The following RTF2 variants were observed in gnomAD, a reference collection of about 807,000 sequenced individuals.
RTF2 encodes UPF0549 protein C20orf43.
RTF2 carries 18 observed loss-of-function variants against 38.0 expected under a neutral mutation model. That is an observed-to-expected ratio of 0.47 (90% CI 0.33 to 0.70). The LOEUF is 0.70. Ranked by LOEUF, RTF2 falls within the 30% of genes least tolerant of loss-of-function variation. RTF2 has a pLI of 0.02. For missense variants in RTF2, 311 were observed against 379.6 expected (o/e 0.82, Z 1.50); for synonymous variants, 126 against 137.1 (o/e 0.92, Z 0.57).
At chr20:56,479,235 T>C (rs1982407288) in intron 4 of RTF2, among the ~76,000 whole-genome samples, 1 of 152,222 alleles carries the variant, frequency 6.6e-6, no homozygotes, top group East Asian at 1.9e-4. Flanking sequence ...TTTGTTTTTT[T>C]GTTTTTTTGA....
intron 1 of RTF2, 38 bp downstream of exon 1, chr20:56,468,804 G>A: frequency 6.5e-7 from 1 of 1,531,600 alleles, no homozygotes; most frequent in Non-Finnish European, 8.8e-7. Context: ...ACCGGGGGTG[G>A]TGGGAATTTG....
chr20:56,492,133 C>G (rs1435000498), intron 5 of RTF2, among the ~76,000 whole-genome samples: 1 of 152,042 alleles, frequency 6.6e-6, no homozygotes. Flanking sequence ...CCATGAACTT[C>G]TAAGTCTTTT....
At chr20:56,474,652 T>C (rs1237545650) in intron 2 of RTF2, 26 bp from the exon 3 acceptor site, 1 of 1,459,132 alleles carries the variant, frequency 6.9e-7, no homozygotes, top group Non-Finnish European at 9.4e-7. Flanking sequence ...CTTGTTGACA[T>C]AATATTCTAA....
At chr20:56,486,110 G>A (rs1982781912) in intron 5 of RTF2, among the ~76,000 whole-genome samples, 1 of 152,126 alleles carries the variant, frequency 6.6e-6, no homozygotes, top group Non-Finnish European at 1.5e-5. Context: ...GTAAGGCGTT[G>A]TCTGGCAGGA....
At chr20:56,470,953 C>G (rs1981927435) in intron 1 of RTF2, 1 of 241,876 alleles carries the variant, frequency 4.1e-6, no homozygotes, top group East Asian at 8.4e-5. Flanking sequence ...TAACTAAACT[C>G]TTTCCCCATA....
At chr20:56,512,255 G>T (rs536374026) in intron 5 of RTF2, among the ~76,000 whole-genome samples, 1 of 152,148 alleles carries the variant, frequency 6.6e-6, no homozygotes, top group Non-Finnish European at 1.5e-5. Flanking sequence ...CAAAATGCAG[G>T]ACTGGGAACC....
In RTF2 at chr20:56,518,353, T is replaced by TGTTC; in HGVS notation, c.*89_*92dup. 7.6e-7 allele frequency: 1 copy of TGTTC among 1,307,624 alleles called. No individual in the cohort carries two copies. Among genetic ancestry groups the TGTTC allele is most frequent in the Non-Finnish European group, 1.1e-6 (1 of 937,420 alleles). The allele number at this position is 1,307,624 out of a possible 1,614,324, so 81.0% of individuals were successfully genotyped here. A position where few individuals can be genotyped will look rare whatever the true frequency, so the allele number is the denominator to read the frequency against. On this transcript the variant is annotated 3_prime_UTR_variant, in exon 9 of 9. Transcript: ENST00000357348. The stretch of plus-strand genomic sequence containing the variant: ...TTGTGCCTCTGAGTGCGCTGCTGTG[T>TGTTC]GTTCTCTCTATAGTTCTGTGTCATA...
chr20:56,496,766 G>A (rs765528981), intron 5 of RTF2: 1 of 1,552,174 alleles, frequency 6.4e-7, no homozygotes, highest in South Asian at 1.2e-5. Context: ...TAAGTACATA[G>A]TAAGCACTTC....
chr20:56,507,146 T>G (rs373948691), intron 5 of RTF2, among the ~76,000 whole-genome samples: 100 of 152,232 alleles, frequency 6.6e-4, no homozygotes, highest in African/African-American at 2.2e-3. Context: ...CAGGAAGATA[T>G]GGGTGATTTT....
In RTF2 at chr20:56,516,986, GA is replaced by G. The variant is rs777631410; in HGVS notation, c.645del (p.Glu216LysfsTer34). The G allele has an allele frequency of 3.7e-6, 6 of 1,613,828 alleles. No homozygotes were observed. The highest frequency in any genetic ancestry group is 5.1e-6 in the Non-Finnish European group (6 of 1,179,772). ...GTCTGTTTCAAAACCAGATGTCAGTGAAGGTAAGATCCTTCAAGAGATCCTT... is the reference window on the plus strand; with the variant it reads ...GTCTGTTTCAAAACCAGATGTCAGTGAGGTAAGATCCTTCAAGAGATCCTT... ...AESVSKPDVS[E>X]EAPGPSKVKT... On this transcript the variant is annotated frameshift_variant and splice_region_variant, in exon 7 of 9. Transcript: ENST00000357348. LOFTEE classifies it high-confidence loss of function.
chr20:56,517,090 T>C lies in RTF2; in HGVS notation c.647-16T>C, dbSNP rs371426502. ...TTTGCATTGTTTTTGCTTTGCCTACTTTGTTTCTTTTACAGAAGCCCCAGG... is the reference window on the plus strand; with the variant it reads ...TTTGCATTGTTTTTGCTTTGCCTACCTTGTTTCTTTTACAGAAGCCCCAGG... On this transcript the variant is annotated splice_polypyrimidine_tract_variant and intron_variant, in intron 7 of 8. Coordinates refer to ENST00000357348, the MANE Select transcript of RTF2 (RefSeq NM_016407.5). 1.9e-6 allele frequency: 3 copies of C among 1,613,738 alleles called. No homozygotes were observed. The highest frequency in any genetic ancestry group is 2.5e-6 in the Non-Finnish European group (3 of 1,179,770).
At chr20:56,490,766 G>C (rs947319003) in intron 5 of RTF2, among the ~76,000 whole-genome samples, 2 of 152,232 alleles carry the variant, frequency 1.3e-5, no homozygotes, top group African/African-American at 4.8e-5. Context: ...GCGGTGAGCC[G>C]AGATCGTGCC....
At chr20:56,491,747 C>T (rs999972975) in intron 5 of RTF2, 2 of 1,552,042 alleles carry the variant, frequency 1.3e-6, no homozygotes, top group African/African-American at 1.4e-5. Context: ...CGGCAGGTCT[C>T]CTGGTCCGTA....
chr20:56,517,188 T>A lies in RTF2; in HGVS notation c.729T>A (p.Ala243=). 1 of 1,613,864 alleles carries A rather than the reference T, an allele frequency of 6.2e-7. No individual in the cohort carries two copies. The highest frequency in any genetic ancestry group is 1.3e-5 in the African/African-American group (1 of 75,000). ...CTAGAGAGAAGAAAACCAACTTGGC[T>A]CCCAAAAGCACAGGTGGGTCCTGTT... ...LDSREKKTNL[A]PKSTAMNESS... Residue 243 remains alanine (A), a synonymous_variant, in exon 8 of 9, where the codon GCT becomes GCA. Coordinates refer to ENST00000357348, the MANE Select transcript of RTF2 (RefSeq NM_016407.5).
intron 5 of RTF2, among the ~76,000 whole-genome samples, chr20:56,496,478 G>T (rs1428359233): frequency 6.6e-6 from 1 of 152,202 alleles, no homozygotes; most frequent in African/African-American, 2.4e-5. Context: ...AACCCGGGAG[G>T]TGGAGCTTGC....
At chr20:56,489,130 A>C (rs1344210588) in intron 5 of RTF2, among the ~76,000 whole-genome samples, 1 of 151,474 alleles carries the variant, frequency 6.6e-6, no homozygotes, top group African/African-American at 2.4e-5. Context: ...ATCTTGGCTC[A>C]CTATAACCTC....
chr20:56,484,114 C>G lies in RTF2; in HGVS notation c.402C>G (p.Phe134Leu). The stretch of plus-strand genomic sequence containing the variant: ...CCCCACTGGGTTATTTCTCCAGGTT[C>G]TGCTTCCTTCGGTGCTGCGGCTGTG... ...VGLEMNGRHR[F>L]CFLRCCGCVF... Residue 134 changes from phenylalanine to leucine, a missense_variant, in exon 5 of 9, where the codon TTC becomes TTG. Physicochemically the swap from Phe to Leu is conservative, Grantham distance 22. Coordinates refer to ENST00000357348, the MANE Select transcript of RTF2 (RefSeq NM_016407.5). 1 of 1,614,084 alleles carries G rather than the reference C, an allele frequency of 6.2e-7. No homozygotes were observed. The highest frequency in any genetic ancestry group is 8.5e-7 in the Non-Finnish European group (1 of 1,179,952).
chr20:56,507,553 C>T (rs901798713), intron 5 of RTF2, among the ~76,000 whole-genome samples: 2 of 152,192 alleles, frequency 1.3e-5, no homozygotes, highest in Admixed American at 1.3e-4. Flanking sequence ...TACAATAAGT[C>T]TGGGCACAAC....
chr20:56,483,323 A>G (rs1335887009), intron 4 of RTF2, among the ~76,000 whole-genome samples: 1 of 150,424 alleles, frequency 6.6e-6, no homozygotes, highest in African/African-American at 2.4e-5. Context: ...TCAGTTTCCA[A>G]TTGGATACTT....
Sources: gnomAD v4.1 joint callset for allele counts (sites outside exome capture counted in the v4.1 genomes callset) on GRCh38, gnomAD v4.1.1 for gene constraint, MANE v1.5 for transcripts, NCBI Gene and HGNC (gene_info 2026-07-23, HGNC 2026-07-21) for gene names.